Variants in SEZ6 observed in about 807,000 individuals in gnomAD.
The protein encoded by SEZ6 is seizure related 6 homolog.
In SEZ6, 53 loss-of-function variants were observed where a neutral mutation model predicts 101.0. The ratio of observed to expected loss-of-function variants is 0.52; its 90% CI spans 0.42 to 0.66. The LOEUF is 0.66. Ranked by LOEUF, SEZ6 falls within the 30% of genes least tolerant of loss-of-function variation. The pLI, the probability that SEZ6 is intolerant of heterozygous loss-of-function variation, is 0.00. For missense variants in SEZ6, 1,102 were observed against 1,289.4 expected (o/e 0.85, Z 2.23); for synonymous variants, 488 against 512.2 (o/e 0.95, Z 0.64).
chr17:28,976,468 T>C (rs1448544004), intron 3 of SEZ6, among the ~76,000 whole-genome samples: 2 of 152,190 alleles, frequency 1.3e-5, no homozygotes, highest in African/African-American at 4.8e-5. Context: ...GCCCAGACTT[T>C]GTCCCACCTA....
Position 28,963,542 on chromosome 17 carries a change from G to C in SEZ6, c.1240+420C>G, listed in dbSNP as rs147381002. The stretch of plus-strand genomic sequence containing the variant: ...TGCCTGCCTCTATGTCCCTGCCCAC[G>C]TTGTTCTCTCCATTTAAATGTCAAA... On this transcript the variant is annotated intron_variant, in intron 5 of 16. Coordinates refer to ENST00000317338, the MANE Select transcript of SEZ6 (RefSeq NM_178860.5). Among the ~76,000 whole-genome samples, 6 of 152,236 alleles carry C rather than the reference G, an allele frequency of 3.9e-5. No homozygotes were observed. The East Asian group carries it at 9.6e-4, about 24-fold the overall frequency.
intron 4 of SEZ6, 82 bp from the exon 5 acceptor site, chr17:28,964,229 T>A: frequency 7.0e-7 from 1 of 1,427,752 alleles, no homozygotes; most frequent in Non-Finnish European, 9.4e-7. Context: ...GAGGTCTGCC[T>A]CAGTCTGCCT....
intron 3 of SEZ6, among the ~76,000 whole-genome samples, chr17:28,973,109 A>G (rs1354395962): frequency 6.6e-6 from 1 of 152,174 alleles, no homozygotes; most frequent in Non-Finnish European, 1.5e-5. Context: ...AGAGTGTGTC[A>G]AGCCTTGTAT....
At chr17:28,994,208 C>T (rs114604076) in intron 1 of SEZ6, among the ~76,000 whole-genome samples, 2,520 of 152,006 alleles carry the variant, frequency 0.017, 64 homozygotes, top group African/African-American at 0.057. Context: ...ACAGGCTATG[C>T]GACCTTGGGT....
intron 7 of SEZ6, 43 bp downstream of exon 7, chr17:28,960,462 C>G (rs1196578803): frequency 6.4e-7 from 1 of 1,562,732 alleles, no homozygotes; most frequent in Non-Finnish European, 8.7e-7. Context: ...CCGAGCCCAT[C>G]CCCGTGGACC....
chr17:28,993,290 G>T lies in SEZ6; in HGVS notation c.56-11251C>A, dbSNP rs2041490766. 2.6e-5 allele frequency among the ~76,000 whole-genome samples: 4 copies of T among 152,098 alleles called. No individual in the cohort carries two copies. The South Asian group carries it at 8.3e-4, about 32-fold the overall frequency. On this transcript the variant is annotated intron_variant, in intron 1 of 16. Coordinates refer to ENST00000317338, the MANE Select transcript of SEZ6 (RefSeq NM_178860.5). ...GTCCATCAGCTCCTTCTGTCCATCTGCTAGCCCCAGGCCCCTTCTCCTACC... is the reference window on the plus strand; with the variant it reads ...GTCCATCAGCTCCTTCTGTCCATCTTCTAGCCCCAGGCCCCTTCTCCTACC...
At chr17:28,962,351 C>G (rs983124211) in intron 5 of SEZ6, among the ~76,000 whole-genome samples, 6 of 152,234 alleles carry the variant, frequency 3.9e-5, no homozygotes, top group Non-Finnish European at 7.3e-5. Flanking sequence ...CACCACTCTG[C>G]CTTTACTCCT....
At chr17:28,964,374 G>T (rs1284703366) in intron 4 of SEZ6, among the ~76,000 whole-genome samples, 1 of 152,178 alleles carries the variant, frequency 6.6e-6, no homozygotes, top group African/African-American at 2.4e-5. Flanking sequence ...AATTAGAAGG[G>T]TTAGGTTCTG....
At chr17:29,002,934 A>C (rs1220764926) in intron 1 of SEZ6, among the ~76,000 whole-genome samples, 1 of 152,020 alleles carries the variant, frequency 6.6e-6, no homozygotes, top group Non-Finnish European at 1.5e-5. Flanking sequence ...TGAGTAACCC[A>C]GACTAGCCAT....
chr17:28,988,197 C>A (rs2041409046), intron 1 of SEZ6, among the ~76,000 whole-genome samples: 1 of 152,224 alleles, frequency 6.6e-6, no homozygotes, highest in Non-Finnish European at 1.5e-5. Context: ...CTCTGCAAAA[C>A]CTCCCCATCC....
chr17:28,958,253 C>T, intron 10 of SEZ6, 112 bp from the exon 11 acceptor site: 1 of 1,311,580 alleles, frequency 7.6e-7, no homozygotes, highest in African/African-American at 1.5e-5. Context: ...CTAGACTGTC[C>T]TGGGCGGGCT....
intron 1 of SEZ6, among the ~76,000 whole-genome samples, chr17:28,998,999 G>A (rs1461767867): frequency 6.6e-6 from 1 of 152,144 alleles, no homozygotes; most frequent in Non-Finnish European, 1.5e-5. Flanking sequence ...TAAAAAGGCA[G>A]CTCTCCTCTA....
chr17:28,979,290 C>G (rs1313747453), intron 3 of SEZ6, among the ~76,000 whole-genome samples: 1 of 152,150 alleles, frequency 6.6e-6, no homozygotes, highest in Non-Finnish European at 1.5e-5. Context: ...ATCCCAGAAG[C>G]CAGCACAGAA....
intron 2 of SEZ6, 66 bp from the exon 3 acceptor site, chr17:28,979,879 CCGTGTGTG>C: frequency 8.2e-7 from 1 of 1,216,740 alleles, no homozygotes; most frequent in South Asian, 1.4e-5. Context: ...TAAGGCTGAA[CCGTGTGTG>C]TGTGTGTGTG....
At chr17:28,962,310 T>C (rs538823649) in intron 5 of SEZ6, among the ~76,000 whole-genome samples, 2 of 152,336 alleles carry the variant, frequency 1.3e-5, no homozygotes, top group East Asian at 1.9e-4. Flanking sequence ...CTCTCTCATC[T>C]TGGAGTAGCT....
In SEZ6 at chr17:28,960,853, C is replaced by T. The variant is rs763363589; in HGVS notation, c.1361G>A (p.Arg454Gln). Reference sequence around the variant, plus strand: ...AACCTTCTCAAAGTGCAGGTGTAGCCGCTGGCCCTCAGGAGCCTCAAGCAG... The same window carrying T: ...AACCTTCTCAAAGTGCAGGTGTAGCTGCTGGCCCTCAGGAGCCTCAAGCAG... Reference protein sequence around the residue: ...HWLLEAPEGQRLHLHFEKVSL... With the variant: ...HWLLEAPEGQQLHLHFEKVSL... The change falls in exon 6 of 17, where the codon CGG becomes CAG. Residue 454 changes from arginine to glutamine, a missense_variant. This residue lies in a region of SEZ6 where 556 missense variants were observed against 735.1 expected (regional missense o/e 0.76). Transcript: ENST00000317338. 3.3e-5 allele frequency: 53 copies of T among 1,613,810 alleles called. No homozygotes were observed. The South Asian group carries it at 3.3e-4, about 10-fold the overall frequency.
At position 28,955,425 on chromosome 17, in the gene SEZ6, G is replaced by T; in HGVS notation, c.*537C>A. The T allele has an allele frequency of 5.7e-6, 2 of 351,382 alleles. No homozygotes were observed. The highest frequency in any genetic ancestry group is 4.3e-5 in the South Asian group (2 of 46,718). 21.8% of individuals were successfully genotyped at this position (351,382 alleles called of 1,614,324 possible). A position where few individuals can be genotyped will look rare whatever the true frequency, so the allele number is the denominator to read the frequency against. On this transcript the variant is annotated 3_prime_UTR_variant, in exon 17 of 17. Coordinates refer to ENST00000317338, the MANE Select transcript of SEZ6 (RefSeq NM_178860.5). Reference sequence around the variant, plus strand: ...ACAGGGCAGGAGGCAGAACTGTCCAGAACTTTAGAGAACTAGAGACCTCCC... The same window carrying T: ...ACAGGGCAGGAGGCAGAACTGTCCATAACTTTAGAGAACTAGAGACCTCCC...
chr17:28,956,343 G>C lies in SEZ6; in HGVS notation c.2849+7C>G. ...GTATGCAGAGCAGAAAGAGAAGCCA[G>C]ACTCACCTGGAGAAGTAGAAGTATA... On this transcript the variant is annotated splice_region_variant and intron_variant, in intron 15 of 16. Transcript: ENST00000317338. 6.4e-7 allele frequency: 1 copy of C among 1,573,034 alleles called. No individual in the cohort carries two copies. The highest frequency in any genetic ancestry group is 2.3e-5 in the East Asian group (1 of 43,084).
intron 4 of SEZ6, among the ~76,000 whole-genome samples, chr17:28,965,027 G>C (rs1032132383): frequency 9.9e-5 from 15 of 150,990 alleles, no homozygotes; most frequent in Non-Finnish European, 1.9e-4. Context: ...TTGCATTCCT[G>C]CTTGGGCAAC....
Sources: allele counts gnomAD v4.1 joint callset (sites outside exome capture counted in the v4.1 genomes callset), GRCh38; gene constraint gnomAD v4.1.1; regional missense constraint gnomAD v4.1.1; transcripts MANE v1.5; gene names NCBI Gene and HGNC (gene_info 2026-07-23, HGNC 2026-07-21).